Variants in CHCHD3 observed in about 807,000 individuals in gnomAD.
CHCHD3 encodes the protein coiled-coil-helix-coiled-coil-helix domain containing 3, also known as MICOS complex subunit MIC19.
A neutral mutation model predicts 38.2 loss-of-function variants in CHCHD3; 20 were observed. That is an observed-to-expected ratio of 0.52 (90% CI 0.37 to 0.76). The LOEUF is 0.76. Among genes scored for constraint, CHCHD3 ranks in the 30% least tolerant of loss-of-function variants. CHCHD3 has a pLI of 0.00. For missense variants in CHCHD3, 245 were observed against 279.2 expected (o/e 0.88, Z 0.87); for synonymous variants, 82 against 100.0 (o/e 0.82, Z 1.07).
Position 132,955,810 on chromosome 7 carries a change from G to A in CHCHD3, c.369+19359C>T, listed in dbSNP as rs775594307. ...CCAAGGAGCAAGGTGGGGGATCAGCGAATAGAAAAGTATCAAGAGGAAACA... is the reference window on the plus strand; with the variant it reads ...CCAAGGAGCAAGGTGGGGGATCAGCAAATAGAAAAGTATCAAGAGGAAACA... On this transcript the variant is annotated intron_variant, in intron 4 of 7. Transcript: ENST00000262570. Among the ~76,000 whole-genome samples, 7 of 152,220 alleles carry A rather than the reference G, an allele frequency of 4.6e-5. No individual in the cohort carries two copies. The South Asian group carries it at 6.2e-4, about 14-fold the overall frequency.
At chr7:132,973,959 G>C (rs1811687149) in intron 4 of CHCHD3, 2 of 1,285,960 alleles carry the variant, frequency 1.6e-6, no homozygotes, top group Non-Finnish European at 2.0e-6. Context: ...TGGGTTTCTA[G>C]GAAGGCCGAA....
chr7:132,847,961 A>G (rs987207307), intron 5 of CHCHD3, among the ~76,000 whole-genome samples: 13 of 152,196 alleles, frequency 8.5e-5, no homozygotes, highest in Non-Finnish European at 1.5e-4. Context: ...GTGGCCTGAC[A>G]CTATTTCCCA....
At chr7:133,002,808 GAAA>G (rs1812607200) in intron 3 of CHCHD3, among the ~76,000 whole-genome samples, 1 of 152,080 alleles carries the variant, frequency 6.6e-6, no homozygotes, top group South Asian at 2.1e-4. Context: ...ACCACCTCCT[GAAA>G]CCTTCATATA....
chr7:132,975,414 C>T (rs1187444934), intron 3 of CHCHD3, 128 bp from the exon 4 acceptor site: 15 of 717,866 alleles, frequency 2.1e-5, no homozygotes, highest in Non-Finnish European at 2.9e-5. Context: ...TCATCTTGGC[C>T]CATAATCTAT....
At chr7:133,032,879 C>A (rs55850409) in intron 2 of CHCHD3, among the ~76,000 whole-genome samples, 1 of 151,436 alleles carries the variant, frequency 6.6e-6, no homozygotes, top group African/African-American at 2.4e-5. Flanking sequence ...TTTTTTGTTT[C>A]AAAAATGATT....
chr7:132,995,806 C>T (rs1812399628), intron 3 of CHCHD3, among the ~76,000 whole-genome samples: 1 of 152,176 alleles, frequency 6.6e-6, no homozygotes, highest in Non-Finnish European at 1.5e-5. Context: ...ACAATTTTAA[C>T]ATACAAATTA....
intron 1 of CHCHD3, among the ~76,000 whole-genome samples, chr7:133,079,069 G>C (rs1228877357): frequency 6.6e-6 from 1 of 152,104 alleles, no homozygotes; most frequent in East Asian, 1.9e-4. Context: ...ATCTACAACA[G>C]ACCTAGACAA....
At chr7:133,012,786 A>AGAGGGGAGGGGAGGG (rs113287474) in intron 3 of CHCHD3, among the ~76,000 whole-genome samples, 1 of 101,170 alleles carries the variant, frequency 9.9e-6, no homozygotes, top group Non-Finnish European at 1.9e-5. Context: ...GAAAAGGAGG[A>AGAGGGGAGGGGAGGG]GAGGGGAGGG....
chr7:132,881,018 A>G (rs1328765984), intron 5 of CHCHD3, among the ~76,000 whole-genome samples: 4 of 152,174 alleles, frequency 2.6e-5, no homozygotes, highest in African/African-American at 9.6e-5. Flanking sequence ...CCTAAATGTG[A>G]TATCTCTAAT....
intron 4 of CHCHD3, among the ~76,000 whole-genome samples, chr7:132,963,915 C>A (rs1324271555): frequency 6.6e-6 from 1 of 152,128 alleles, no homozygotes; most frequent in Non-Finnish European, 1.5e-5. Context: ...TTGAAAAATA[C>A]ATTAACAATT....
At chr7:132,953,741 C>T (rs1430187464) in intron 4 of CHCHD3, among the ~76,000 whole-genome samples, 2 of 152,172 alleles carry the variant, frequency 1.3e-5, no homozygotes, top group African/African-American at 4.8e-5. Context: ...ACCCCAAGGA[C>T]GGACTTCACA....
chr7:132,998,490 G>C (rs1463416565), intron 3 of CHCHD3, among the ~76,000 whole-genome samples: 1 of 152,070 alleles, frequency 6.6e-6, no homozygotes, highest in Non-Finnish European at 1.5e-5. Flanking sequence ...GTGCTTATCA[G>C]TATTCACAGG....
chr7:133,046,621 G>A (rs1813993784), intron 2 of CHCHD3, among the ~76,000 whole-genome samples: 1 of 152,050 alleles, frequency 6.6e-6, no homozygotes, highest in Non-Finnish European at 1.5e-5. Context: ...GAGTGCAGTG[G>A]CGCGATCTCG....
At chr7:132,974,516 G>A (rs1024759502) in intron 4 of CHCHD3, among the ~76,000 whole-genome samples, 1 of 152,036 alleles carries the variant, frequency 6.6e-6, no homozygotes, top group African/African-American at 2.4e-5. Context: ...CCAGCCACGA[G>A]AGAAAGAAGC....
In CHCHD3 at chr7:132,914,011, G is replaced by A. The variant is rs191712838; in HGVS notation, c.370-28266C>T. Among the ~76,000 whole-genome samples, 130 of 147,996 alleles carry A rather than the reference G, an allele frequency of 8.8e-4. No homozygotes were observed. The Middle Eastern group carries it at 0.031, about 36-fold the overall frequency. The stretch of plus-strand genomic sequence containing the variant: ...CTATTGCCCAGGCTTCCAGGCTGGA[G>A]TGCAATGGCATGATCTTGGCTCACT... On this transcript the variant is annotated intron_variant, in intron 4 of 7. Transcript: ENST00000262570.
At chr7:132,891,725 C>T (rs1809366033) in intron 4 of CHCHD3, among the ~76,000 whole-genome samples, 1 of 152,136 alleles carries the variant, frequency 6.6e-6, no homozygotes, top group Admixed American at 6.5e-5. Context: ...AACTGTAATC[C>T]CCATAATCCC....
chr7:132,866,082 G>A (rs1808618255), intron 5 of CHCHD3, among the ~76,000 whole-genome samples: 1 of 152,072 alleles, frequency 6.6e-6, no homozygotes, highest in Non-Finnish European at 1.5e-5. Flanking sequence ...TCCAATCTAT[G>A]GACAACGTTA....
intron 3 of CHCHD3, among the ~76,000 whole-genome samples, chr7:133,020,183 G>A (rs1813141917): frequency 6.6e-6 from 1 of 151,900 alleles, no homozygotes; most frequent in African/African-American, 2.4e-5. Flanking sequence ...CCATAAAACA[G>A]GATAAATCTA....
chr7:132,796,331 G>A (rs917364082), intron 7 of CHCHD3, 111 bp downstream of exon 7: 2 of 1,184,284 alleles, frequency 1.7e-6, no homozygotes, highest in East Asian at 2.4e-5. Context: ...TGATGACTAG[G>A]GCTTAGAAAG....
Sources: allele counts gnomAD v4.1 joint callset (sites outside exome capture counted in the v4.1 genomes callset), GRCh38; gene constraint gnomAD v4.1.1; transcripts MANE v1.5; gene names NCBI Gene and HGNC (gene_info 2026-07-23, HGNC 2026-07-21).